The following IDE variants were observed in gnomAD, a reference collection of about 807,000 sequenced individuals.
IDE encodes the protein insulin degrading enzyme.
Under a neutral mutation model 133.2 loss-of-function variants are expected in IDE, and 58 were observed. That is an observed-to-expected ratio of 0.44 (90% CI 0.35 to 0.54). IDE has a LOEUF of 0.54. Ranked by LOEUF, IDE falls within the 20% of genes least tolerant of loss-of-function variation. IDE has a pLI of 0.00. For missense variants in IDE, 981 were observed against 1,234.0 expected (o/e 0.79, Z 3.07); for synonymous variants, 396 against 421.3 (o/e 0.94, Z 0.73).
intron 4 of IDE, among the ~76,000 whole-genome samples, chr10:92,529,727 T>C (rs1390495142): frequency 6.6e-6 from 1 of 152,032 alleles, no homozygotes; most frequent in Non-Finnish European, 1.5e-5. Context: ...AAAAAAATGT[T>C]CCTTGTTTGT....
At chr10:92,492,076 T>C (rs1319118834) in intron 11 of IDE, among the ~76,000 whole-genome samples, 4 of 151,692 alleles carry the variant, frequency 2.6e-5, no homozygotes, top group African/African-American at 7.3e-5. Context: ...CTGGCTAACA[T>C]GGTGAAATCC....
intron 15 of IDE, 125 bp downstream of exon 15, chr10:92,479,152 A>G: frequency 1.7e-6 from 1 of 598,578 alleles, no homozygotes; most frequent in South Asian, 3.5e-5. Flanking sequence ...AAATGAGAAA[A>G]TATGATTAGC....
chr10:92,500,725 T>C (rs1041711039), intron 11 of IDE, among the ~76,000 whole-genome samples: 3 of 152,116 alleles, frequency 2.0e-5, no homozygotes, highest in African/African-American at 7.2e-5. Context: ...TCCTCAAATC[T>C]AGTGGTTTAA....
At position 92,461,247 on chromosome 10, in the gene IDE, T is replaced by A; in HGVS notation, c.2767A>T (p.Thr923Ser). The change falls in exon 22 of 25, where the codon ACT (threonine) becomes TCT (serine). Residue 923 changes from threonine to serine, a missense_variant. Coordinates refer to ENST00000265986, the MANE Select transcript of IDE (RefSeq NM_004969.4). ...AGTGTCTTTAAATATGCAACCTCAG[T>A]GTTATCTGAAAAAGTAATCAAACAA... is the stretch of plus-strand genomic sequence containing the variant. ...SQQYNFDRDN[T>S]EVAYLKTLTK... 7.0e-7 allele frequency: 1 copy of A among 1,433,260 alleles called. No individual in the cohort carries two copies. The highest frequency in any genetic ancestry group is 9.8e-7 in the Non-Finnish European group (1 of 1,016,378). The allele number at this position is 1,433,260 out of a possible 1,614,324, so 88.8% of individuals were successfully genotyped here.
chr10:92,562,878 G>C (rs11187070), intron 1 of IDE, among the ~76,000 whole-genome samples: 1 of 152,072 alleles, frequency 6.6e-6, no homozygotes, highest in South Asian at 2.1e-4. Context: ...GGTGGCTCAC[G>C]TCTGTAATCC....
intron 1 of IDE, among the ~76,000 whole-genome samples, chr10:92,569,359 A>G (rs1201688062): frequency 6.6e-6 from 1 of 152,248 alleles, no homozygotes; most frequent in Non-Finnish European, 1.5e-5. Context: ...GCTTGGGAAA[A>G]GTGGTTTATT....
At position 92,461,262 on chromosome 10, in the gene IDE, T is replaced by C. The variant is rs756746552; in HGVS notation, c.2762-10A>G. ...GCAACCTCAGTGTTATCTGAAAAAG[T>C]AATCAAACAATATTTTACTAACATT... On this transcript the variant is annotated splice_polypyrimidine_tract_variant and intron_variant, in intron 21 of 24. Transcript: ENST00000265986. 7.4e-6 allele frequency: 10 copies of C among 1,346,530 alleles called. No individual in the cohort carries two copies. The highest frequency in any genetic ancestry group is 1.7e-5 in the Admixed American group (1 of 59,140). 83.4% of individuals were successfully genotyped at this position (1,346,530 alleles called of 1,614,324 possible).
chr10:92,456,328 T>C, intron 23 of IDE, 31 bp downstream of exon 23: 1 of 1,517,170 alleles, frequency 6.6e-7, no homozygotes, highest in Non-Finnish European at 9.2e-7. Flanking sequence ...TGGCTCAACA[T>C]GAGCCTAAAA....
At chr10:92,505,768 A>T (rs1194187546) in intron 10 of IDE, among the ~76,000 whole-genome samples, 1 of 152,224 alleles carries the variant, frequency 6.6e-6, no homozygotes, top group Non-Finnish European at 1.5e-5. Flanking sequence ...TTTCATGTAG[A>T]GAAAATAGCA....
rs760803647 is a variant in IDE, at chr10:92,514,908, A to G, written c.784+12T>C. 6.2e-7 allele frequency: 1 copy of G among 1,601,282 alleles called. No homozygotes were observed. The highest frequency in any genetic ancestry group is 8.5e-7 in the Non-Finnish European group (1 of 1,174,848). On this transcript the variant is annotated intron_variant, in intron 5 of 24. Transcript: ENST00000265986. Reference sequence around the variant, plus strand: ...ATTATCCAATTCTATAAAAAATTGTAAGGGTTCTTACCTCGACCTAAAACA... The same window carrying G: ...ATTATCCAATTCTATAAAAAATTGTGAGGGTTCTTACCTCGACCTAAAACA...
At position 92,537,551 on chromosome 10, in the gene IDE, C is replaced by T. The variant is rs2135703044; in HGVS notation, c.99-1G>A. ...TTTGCTGTAAGTCTTTTTTTGGAAA[C>T]TGAAAAGAAAGAGATTTTTAATTGT... On this transcript the variant is annotated splice_acceptor_variant, in intron 1 of 24. Coordinates refer to ENST00000265986, the MANE Select transcript of IDE (RefSeq NM_004969.4). LOFTEE classifies it high-confidence loss of function. The T allele has an allele frequency of 6.3e-7, 1 of 1,584,110 alleles. No individual in the cohort carries two copies. The highest frequency in any genetic ancestry group is 8.6e-7 in the Non-Finnish European group (1 of 1,166,016).
Position 92,534,632 on chromosome 10 carries a change from T to A in IDE, c.437A>T (p.His146Leu), listed in dbSNP as rs776433498. The A allele has an allele frequency of 2.0e-5, 32 of 1,613,858 alleles. No homozygotes were observed. Among genetic ancestry groups the A allele is most frequent in the Non-Finnish European group, 2.7e-5 (32 of 1,179,926 alleles). ...AGAAACATCAAAATAGTAATTGGTA[T>A]GCTCTCCACTAGTAAAGGCATTTGA... is the stretch of plus-strand genomic sequence containing the variant. ...GSSNAFTSGE[H>L]TNYYFDVSHE... The change falls in exon 3 of 25, where the codon CAT becomes CTT. Residue 146 changes from histidine (H) to leucine (L), a missense_variant. Physicochemically the swap from His to Leu is moderately conservative, Grantham distance 99. This residue lies in a region of IDE where 321 missense variants were observed against 339.3 expected (regional missense o/e 0.95). Coordinates refer to ENST00000265986, the MANE Select transcript of IDE (RefSeq NM_004969.4).
intron 9 of IDE, 26 bp from the exon 10 acceptor site, chr10:92,506,548 G>T: frequency 2.6e-6 from 3 of 1,133,454 alleles, no homozygotes; most frequent in Non-Finnish European, 4.0e-6. Context: ...AATCCAATTA[G>T]ATACGGCCAC....
intron 22 of IDE, among the ~76,000 whole-genome samples, chr10:92,459,824 CTTTTTTTTTTTTTT>C (rs901315055): frequency 3.2e-5 from 3 of 92,782 alleles, no homozygotes; most frequent in African/African-American, 4.4e-5. Context: ...GTGTGAACCT[CTTTTTTTTTTTTTT>C]TTTTTTTTTG....
chr10:92,524,977 AG>A (rs1195733264), intron 4 of IDE, among the ~76,000 whole-genome samples: 1 of 148,902 alleles, frequency 6.7e-6, no homozygotes, highest in African/African-American at 2.5e-5. Context: ...GATACATCAC[AG>A]GGTCAGGTGT....
intron 4 of IDE, among the ~76,000 whole-genome samples, chr10:92,528,141 T>C (rs1849725408): frequency 6.6e-6 from 1 of 152,252 alleles, no homozygotes; most frequent in African/African-American, 2.4e-5. Context: ...TTTCCATCTC[T>C]TATAATCACA....
At chr10:92,460,821 C>T (rs1845339767) in intron 22 of IDE, among the ~76,000 whole-genome samples, 1 of 152,180 alleles carries the variant, frequency 6.6e-6, no homozygotes, top group Admixed American at 6.5e-5. Flanking sequence ...AGCAGCAACA[C>T]ACAATATAGC....
intron 12 of IDE, 52 bp downstream of exon 12, chr10:92,490,441 G>A (rs976523449): frequency 8.8e-7 from 1 of 1,134,802 alleles, no homozygotes; most frequent in African/African-American, 1.5e-5. Flanking sequence ...AGGGAGCAAT[G>A]TTCTTGTGAT....
chr10:92,454,692 T>C (rs1844898657), intron 24 of IDE, among the ~76,000 whole-genome samples, 153 bp from the exon 25 acceptor site: 1 of 152,238 alleles, frequency 6.6e-6, no homozygotes, highest in African/African-American at 2.4e-5. Context: ...TAATAACCCA[T>C]GTATCTTGAT....
Sources: gnomAD v4.1 joint callset for allele counts (sites outside exome capture counted in the v4.1 genomes callset) on GRCh38, gnomAD v4.1.1 for gene constraint, gnomAD v4.1.1 regional missense constraint, MANE v1.5 for transcripts, NCBI Gene and HGNC (gene_info 2026-07-23, HGNC 2026-07-21) for gene names.